Variants in DGKB observed in about 807,000 individuals in gnomAD.
DGKB encodes the protein diacylglycerol kinase beta.
In DGKB, 67 loss-of-function variants were observed where a neutral mutation model predicts 114.3. That is an observed-to-expected ratio of 0.59 (90% CI 0.48 to 0.72). The LOEUF is 0.72. DGKB is among the 30% of genes least tolerant of loss of function. The probability of loss-of-function intolerance (pLI) is 0.00; values close to 1 mark genes in which losing one functional copy is unlikely to be tolerated. For missense variants in DGKB, 907 were observed against 975.2 expected (o/e 0.93, Z 0.93); for synonymous variants, 398 against 323.1 (o/e 1.23, Z -2.49).
intron 23 of DGKB, among the ~76,000 whole-genome samples, chr7:14,227,573 AC>A (rs751640889): frequency 1.3e-5 from 2 of 152,154 alleles, no homozygotes; most frequent in Non-Finnish European, 2.9e-5. Flanking sequence ...CTTTATCTTG[AC>A]AAAATTACAC....
intron 14 of DGKB, among the ~76,000 whole-genome samples, chr7:14,624,431 C>T (rs1808211142): frequency 1.3e-5 from 2 of 152,142 alleles, no homozygotes; most frequent in Admixed American, 1.3e-4. Flanking sequence ...TGATTAGTTA[C>T]AATGGAACTG....
chr7:14,281,978 A>C (rs1392322378), intron 23 of DGKB, among the ~76,000 whole-genome samples: 158 of 127,120 alleles, frequency 1.2e-3, no homozygotes, highest in Middle Eastern at 7.2e-3. Context: ...AAACACATTC[A>C]AAAGCTAGCA....
rs139064255 is a variant in DGKB at position 14,616,636 on chromosome 7, G to C, written c.1285-3223C>G. Among the ~76,000 whole-genome samples, 75 of 151,766 alleles carry C rather than the reference G, an allele frequency of 4.9e-4. No homozygotes were observed. The East Asian group carries it at 0.014, about 27-fold the overall frequency. On this transcript the variant is annotated intron_variant, in intron 15 of 25. Coordinates refer to ENST00000402815, the MANE Select transcript of DGKB (RefSeq NM_001350709.2). ...AAGTACATATATTTATACAGCATTT[G>C]AGATCATCTGAAGTAGAACAGCATA...
chr7:14,881,155 T>G (rs2128213279), intron 1 of DGKB, among the ~76,000 whole-genome samples: 1 of 152,300 alleles, frequency 6.6e-6, no homozygotes, highest in South Asian at 2.1e-4. Flanking sequence ...TGTTTTAAAA[T>G]TTTGCCAATC....
At chr7:14,186,172 G>C (rs535514498) in intron 23 of DGKB, among the ~76,000 whole-genome samples, 1 of 152,058 alleles carries the variant, frequency 6.6e-6, no homozygotes, top group African/African-American at 2.4e-5. Context: ...AAATTGGTAA[G>C]AAAAAATCAA....
chr7:14,739,107 C>T (rs749427117), intron 4 of DGKB, among the ~76,000 whole-genome samples: 3 of 152,070 alleles, frequency 2.0e-5, no homozygotes, highest in Admixed American at 6.5e-5. Context: ...TGTAATTTAA[C>T]GATGAAAGCC....
chr7:14,201,585 G>A (rs1220845231), intron 23 of DGKB, among the ~76,000 whole-genome samples: 2 of 151,920 alleles, frequency 1.3e-5, no homozygotes, highest in Non-Finnish European at 2.9e-5. Flanking sequence ...AGGGTTGGTA[G>A]ACAAGCTGAT....
chr7:14,226,767 C>T (rs1790867496), intron 23 of DGKB, among the ~76,000 whole-genome samples: 1 of 151,926 alleles, frequency 6.6e-6, no homozygotes, highest in Non-Finnish European at 1.5e-5. Flanking sequence ...TGAAATGAAT[C>T]AATTATATAA....
At chr7:14,852,539 A>G (rs1214322893) in intron 1 of DGKB, among the ~76,000 whole-genome samples, 1 of 147,718 alleles carries the variant, frequency 6.8e-6, no homozygotes, top group Non-Finnish European at 1.5e-5. Flanking sequence ...AAAAGGTTCT[A>G]AGCCCAGAAA....
At chr7:14,168,315 A>AT (rs1784900096) in intron 25 of DGKB, among the ~76,000 whole-genome samples, 1 of 152,234 alleles carries the variant, frequency 6.6e-6, no homozygotes. Flanking sequence ...AAGATCTATG[A>AT]GACAATACAT....
intron 23 of DGKB, among the ~76,000 whole-genome samples, chr7:14,294,122 C>T (rs1475456751): frequency 2.0e-5 from 3 of 152,032 alleles, no homozygotes; most frequent in Non-Finnish European, 4.4e-5. Flanking sequence ...TGGCTCATGG[C>T]CCCCTTCAAA....
intron 23 of DGKB, among the ~76,000 whole-genome samples, chr7:14,326,035 A>G (rs1464286339): frequency 1.3e-5 from 2 of 151,978 alleles, no homozygotes; most frequent in East Asian, 1.9e-4. Context: ...GTTATGAGAC[A>G]GACCTGGCAA....
intron 20 of DGKB, among the ~76,000 whole-genome samples, chr7:14,483,162 C>T (rs1040034507): frequency 6.6e-6 from 1 of 152,004 alleles, no homozygotes; most frequent in East Asian, 1.9e-4. Context: ...ATAACTGGAA[C>T]CTGGTAACTT....
Position 14,223,380 on chromosome 7 carries a change from T to C in DGKB, c.2123-45229A>G, listed in dbSNP as rs543275650. Among the ~76,000 whole-genome samples the C allele has an allele frequency of 1.1e-4, 16 of 151,842 alleles. No homozygotes were observed. The South Asian group carries it at 2.5e-3, about 24-fold the overall frequency. On this transcript the variant is annotated intron_variant, in intron 23 of 25. Coordinates refer to ENST00000402815, the MANE Select transcript of DGKB (RefSeq NM_001350709.2). Reference sequence around the variant, plus strand: ...ATACTAACATAATTCCAGTGAGATATAGAACTGCTACTCCTACATAATGCA... The same window carrying C: ...ATACTAACATAATTCCAGTGAGATACAGAACTGCTACTCCTACATAATGCA...
chr7:14,647,009 TACAA>T lies in DGKB; in HGVS notation c.1135-16745_1135-16742del, dbSNP rs141332043. Among the ~76,000 whole-genome samples the T allele has an allele frequency of 3.3e-3, 494 of 151,430 alleles. 16 individuals are homozygous for T. In the East Asian group the frequency reaches 0.077, roughly 24 times the overall value. On this transcript the variant is annotated intron_variant, in intron 13 of 25. Coordinates refer to ENST00000402815, the MANE Select transcript of DGKB (RefSeq NM_001350709.2). ...CTAAACAAAATAGAGACTAAAAAAT[TACAA>T]ACAGTCAACAAAATGAAAAGTTAGT...
At chr7:14,774,432 A>C (rs559437501) in intron 2 of DGKB, among the ~76,000 whole-genome samples, 2 of 152,180 alleles carry the variant, frequency 1.3e-5, no homozygotes, top group Non-Finnish European at 2.9e-5. Context: ...AGGCTGTATG[A>C]AATGGAAAAT....
At chr7:14,383,801 T>G (rs1338192921) in intron 21 of DGKB, among the ~76,000 whole-genome samples, 1 of 152,214 alleles carries the variant, frequency 6.6e-6, no homozygotes, top group Non-Finnish European at 1.5e-5. Context: ...GAAGGTGTTG[T>G]CTTTTAGCTG....
rs182490184 is a variant in DGKB, at chr7:14,920,353, C to G, written c.-188+54343G>C. Among the ~76,000 whole-genome samples the G allele has an allele frequency of 2.2e-4, 33 of 152,086 alleles. No homozygotes were observed. The East Asian group carries it at 5.6e-3, about 26-fold the overall frequency. Reference sequence around the variant, plus strand: ...TGGGAAAAATATATGAAAGACACCTCATGAAAGAAGGTATACAGATGGCAA... The same window carrying G: ...TGGGAAAAATATATGAAAGACACCTGATGAAAGAAGGTATACAGATGGCAA... On this transcript the variant is annotated intron_variant, in intron 1 of 4. Coordinates refer to the DGKB transcript ENST00000437998.
At chr7:14,632,013 G>T (rs1266563668) in intron 13 of DGKB, among the ~76,000 whole-genome samples, 1 of 151,898 alleles carries the variant, frequency 6.6e-6, no homozygotes, top group Non-Finnish European at 1.5e-5. Flanking sequence ...TTAGAAGAGT[G>T]TATGCTTACC....
Sources: gnomAD v4.1 joint callset for allele counts (sites outside exome capture counted in the v4.1 genomes callset) on GRCh38, gnomAD v4.1.1 for gene constraint, MANE v1.5 for transcripts, NCBI Gene and HGNC (gene_info 2026-07-23, HGNC 2026-07-21) for gene names.